Variants in ERG observed in about 807,000 individuals in gnomAD.
ERG encodes ETS transcription factor ERG, also known as transcriptional regulator ERG.
A neutral mutation model predicts 55.3 loss-of-function variants in ERG; 9 were observed. The ratio of observed to expected loss-of-function variants is 0.16; its 90% CI spans 0.10 to 0.28. The LOEUF (loss-of-function observed/expected upper bound fraction) is 0.28, where lower values mean the gene tolerates loss of function less well. ERG is among the 10% of genes least tolerant of loss of function. ERG has a pLI of 1.00. For synonymous variants in ERG, 223 were observed against 237.3 expected, an observed-to-expected ratio of 0.94 and a Z score of 0.55; for missense variants, 434 against 631.6, an observed-to-expected ratio of 0.69 and a Z score of 3.35.
rs1192364836 is a variant in ERG, at chr21:38,383,185, T to C, written c.*218A>G. On this transcript the variant is annotated 3_prime_UTR_variant, in exon 10 of 10. Coordinates refer to ENST00000288319, the MANE Select transcript of ERG (RefSeq NM_182918.4). The surrounding 1 kb of genome is among the most constrained non-coding windows in gnomAD (Gnocchi z 5.7). ...ACAAGGTCAGTCCACAGATGATATG[T>C]CCATATTCGTGACATTTTTAGCATC... 75 of 1,278,044 alleles carry C rather than the reference T, an allele frequency of 5.9e-5. No homozygotes were observed. Among genetic ancestry groups the C allele is most frequent in the Non-Finnish European group, 7.0e-5 (71 of 1,014,718 alleles). The allele number at this position is 1,278,044 out of a possible 1,614,324, so 79.2% of individuals were successfully genotyped here.
intron 1 of ERG, among the ~76,000 whole-genome samples, chr21:38,491,639 T>C (rs1416329173): frequency 1.3e-5 from 2 of 152,250 alleles, no homozygotes; most frequent in African/African-American, 4.8e-5. Context: ...GTCTCTGTAC[T>C]TATCTGTGTA....
In ERG at chr21:38,519,274, A is replaced by T. The variant is rs191784023; in HGVS notation, c.-41+56388T>A. Reference sequence around the variant, plus strand: ...ACAAAATTTAATGAAAGAATTTACAACGGTAAAGGTAGAATTTAGTAAAAA... The same window carrying T: ...ACAAAATTTAATGAAAGAATTTACATCGGTAAAGGTAGAATTTAGTAAAAA... On this transcript the variant is annotated intron_variant, in intron 2 of 8. Coordinates refer to the ERG transcript ENST00000398897. Among the ~76,000 whole-genome samples the T allele has an allele frequency of 3.3e-5, 5 of 152,314 alleles. No homozygotes were observed. In the East Asian group the frequency reaches 9.6e-4, roughly 29 times the overall value.
chr21:38,517,404 A>G (rs1049612069), intron 2 of ERG, among the ~76,000 whole-genome samples: 4 of 152,154 alleles, frequency 2.6e-5, no homozygotes, highest in East Asian at 3.8e-4. Flanking sequence ...CAAAACCACA[A>G]TGAGATATCA....
intron 2 of ERG, among the ~76,000 whole-genome samples, chr21:38,559,140 A>T (rs934932124): frequency 6.6e-6 from 1 of 152,152 alleles, no homozygotes; most frequent in Non-Finnish European, 1.5e-5. Flanking sequence ...ATCCTAGCTG[A>T]TGGGCTGGCA....
chr21:38,381,135 C>G lies in ERG; in HGVS notation c.*2268G>C, dbSNP rs1987414904. 8 of 1,065,050 alleles carry G rather than the reference C, an allele frequency of 7.5e-6. No homozygotes were observed. The highest frequency in any genetic ancestry group is 1.6e-5 in the African/African-American group (1 of 61,050). The allele number at this position is 1,065,050 out of a possible 1,614,324, so 66.0% of individuals were successfully genotyped here. On this transcript the variant is annotated 3_prime_UTR_variant, in exon 10 of 10. Transcript: ENST00000288319. Reference sequence around the variant, plus strand: ...ATTGGTAATCGTGTCCTGCCGACTTCAAAGCCCACTGCCAAAACATCCACA... The same window carrying G: ...ATTGGTAATCGTGTCCTGCCGACTTGAAAGCCCACTGCCAAAACATCCACA...
At chr21:38,630,967 T>C (rs185319099) in intron 1 of ERG, among the ~76,000 whole-genome samples, 100 of 152,280 alleles carry the variant, frequency 6.6e-4, no homozygotes, top group African/African-American at 2.3e-3. Context: ...AAAATGAAGA[T>C]AAAGGGTCAC....
chr21:38,586,562 A>G (rs1281864685), upstream of ERG, among the ~76,000 whole-genome samples: 3 of 152,174 alleles, frequency 2.0e-5, no homozygotes, highest in African/African-American at 7.2e-5. Context: ...ATTATCAAAA[A>G]GACAAGTGTT....
chr21:38,527,821 G>A (rs2059640944), intron 2 of ERG, among the ~76,000 whole-genome samples: 1 of 147,800 alleles, frequency 6.8e-6, no homozygotes, highest in Non-Finnish European at 1.5e-5. Flanking sequence ...GTATGTGGCT[G>A]TCTTCAAAAC....
At chr21:38,493,889 G>A (rs2059358481) in intron 1 of ERG, among the ~76,000 whole-genome samples, 1 of 152,220 alleles carries the variant, frequency 6.6e-6, no homozygotes, top group Admixed American at 6.5e-5. Flanking sequence ...GTCTATGGCT[G>A]TGGGCTTCAC....
At chr21:38,517,684 T>C (rs566076128) in intron 2 of ERG, among the ~76,000 whole-genome samples, 60 of 152,284 alleles carry the variant, frequency 3.9e-4, no homozygotes, top group Non-Finnish European at 6.8e-4. Flanking sequence ...CTATTTACCA[T>C]AGCAAAGACA....
upstream of ERG, among the ~76,000 whole-genome samples, chr21:38,585,538 T>TTTTTTTTTTTTTTC (rs2060058404): frequency 1.5e-5 from 2 of 134,304 alleles, no homozygotes; most frequent in Non-Finnish European, 3.1e-5. Flanking sequence ...TCTTCTTTTT[T>TTTTTTTTTTTTTTC]TTTTTTTTTT....
At chr21:38,391,766 T>A (rs749754522) in intron 7 of ERG, 51 bp from the exon 8 acceptor site, 1 of 1,400,988 alleles carries the variant, frequency 7.1e-7, no homozygotes, top group South Asian at 1.2e-5. Flanking sequence ...ATTTGGTCAC[T>A]AGTCTTTGAT....
At chr21:38,488,813 G>A (rs961160205) in intron 1 of ERG, among the ~76,000 whole-genome samples, 12 of 152,188 alleles carry the variant, frequency 7.9e-5, no homozygotes, top group East Asian at 5.8e-4. Flanking sequence ...AGGTGCCTAC[G>A]GGGCATGTTA....
chr21:38,485,461 C>CT (rs34211335), intron 1 of ERG, among the ~76,000 whole-genome samples: 41,213 of 130,322 alleles, frequency 0.32, 7,418 homozygotes, highest in Middle Eastern at 0.4. Context: ...AATATACAGT[C>CT]TTTTTTTTTT....
intron 2 of ERG, among the ~76,000 whole-genome samples, chr21:38,552,627 T>C (rs1312635078): frequency 6.6e-6 from 1 of 152,034 alleles, no homozygotes; most frequent in Non-Finnish European, 1.5e-5. Flanking sequence ...CCAATAAAAT[T>C]CAACATCCTT....
intron 1 of ERG, chr21:38,470,670 A>G (rs1451082878): frequency 1.3e-5 from 2 of 152,238 alleles, no homozygotes; most frequent in African/African-American, 4.8e-5. Flanking sequence ...ACTGCTTCAC[A>G]GGCGAAGTCC....
chr21:38,442,661 C>T (rs2058852775), intron 2 of ERG, among the ~76,000 whole-genome samples: 1 of 152,178 alleles, frequency 6.6e-6, no homozygotes, highest in African/African-American at 2.4e-5. Context: ...AACCTGTACC[C>T]CTGGGGTCAC....
At chr21:38,556,825 A>G (rs2059861407) in intron 2 of ERG, among the ~76,000 whole-genome samples, 1 of 152,164 alleles carries the variant, frequency 6.6e-6, no homozygotes, top group South Asian at 2.1e-4. Context: ...CCAGACCCCC[A>G]TACTGGACTG....
intron 2 of ERG, among the ~76,000 whole-genome samples, chr21:38,556,829 T>A (rs930891033): frequency 4.6e-5 from 7 of 152,194 alleles, no homozygotes; most frequent in Non-Finnish European, 8.8e-5. Context: ...ACCCCCATAC[T>A]GGACTGTTAC....
Sources: allele counts gnomAD v4.1 joint callset (sites outside exome capture counted in the v4.1 genomes callset), GRCh38; gene constraint gnomAD v4.1.1; non-coding constraint Gnocchi (gnomAD v3.1); transcripts MANE v1.5; gene names NCBI Gene and HGNC (gene_info 2026-07-23, HGNC 2026-07-21).